The following SCAI variants were observed in gnomAD, a reference collection of about 807,000 sequenced individuals.
SCAI encodes suppressor of cancer cell invasion.
SCAI carries 24 observed loss-of-function variants against 92.2 expected under a neutral mutation model. That is an observed-to-expected ratio of 0.26 (90% CI 0.19 to 0.37). The LOEUF is 0.37. SCAI is among the 10% of genes least tolerant of loss of function. The probability of loss-of-function intolerance (pLI) is 1.00; values close to 1 mark genes in which losing one functional copy is unlikely to be tolerated. For synonymous variants in SCAI, 261 were observed against 258.6 expected, an observed-to-expected ratio of 1.01 and a Z score of -0.09; for missense variants, 450 against 736.2, an observed-to-expected ratio of 0.61 and a Z score of 4.50.
At chr9:125,002,096 T>C (rs1832373397) in intron 11 of SCAI, 53 bp from the exon 12 acceptor site, 2 of 1,215,438 alleles carry the variant, frequency 1.6e-6, no homozygotes, top group Admixed American at 3.4e-5. Context: ...ATAAACAACA[T>C]GGTTTTATTT....
At chr9:125,130,936 CT>C (rs545651994) in intron 2 of SCAI, among the ~76,000 whole-genome samples, 747 of 77,232 alleles carry the variant, frequency 9.7e-3, no homozygotes, top group African/African-American at 0.018. Flanking sequence ...GTTTGAACCG[CT>C]TTTTTTTTTT....
At position 125,003,111 on chromosome 9, in the gene SCAI, T is replaced by G. The variant is rs751902622; in HGVS notation, c.1065+3A>C. 6.3e-7 allele frequency: 1 copy of G among 1,597,834 alleles called. No individual in the cohort carries two copies. The highest frequency in any genetic ancestry group is 8.6e-7 in the Non-Finnish European group (1 of 1,165,160). ...ATAGTAAAAAGTACTGGATCACACA[T>G]ACCTTAAAAGACGCTGCTAAGAAGG... On this transcript the variant is annotated splice_donor_region_variant and intron_variant, in intron 11 of 17. Transcript: ENST00000336505.
chr9:125,116,286 G>A (rs979595229), intron 2 of SCAI, among the ~76,000 whole-genome samples: 2 of 152,092 alleles, frequency 1.3e-5, no homozygotes, highest in Admixed American at 1.3e-4. Flanking sequence ...ATTCAACAAA[G>A]AATTTGTTGA....
intron 1 of SCAI, among the ~76,000 whole-genome samples, 166 bp from the exon 2 acceptor site, chr9:125,142,843 C>A (rs1014992869): frequency 7.2e-5 from 11 of 152,202 alleles, no homozygotes; most frequent in Admixed American, 5.2e-4. Context: ...CCCCTATTTA[C>A]CAAGACCTAG....
At chr9:125,024,875 G>C (rs1010548846) in intron 6 of SCAI, among the ~76,000 whole-genome samples, 1 of 152,208 alleles carries the variant, frequency 6.6e-6, no homozygotes, top group Admixed American at 6.5e-5. Context: ...CCCATGGAAT[G>C]AGATGTTCTG....
At position 124,990,915 on chromosome 9, in the gene SCAI, A is replaced by T; in HGVS notation, c.1326+4019T>A. Among the ~76,000 whole-genome samples the T allele has an allele frequency of 1.3e-5, 2 of 152,054 alleles. 1 individual carries two copies. The highest frequency in any genetic ancestry group is 4.1e-4 in the South Asian group (2 of 4,820). On this transcript the variant is annotated intron_variant, in intron 14 of 17. Coordinates refer to ENST00000336505, the MANE Select transcript of SCAI (RefSeq NM_001144877.3). Reference sequence around the variant, plus strand: ...AGTCTTCATAAATACTGTAGCTGAGACCCACCCCAGGTGAAGTGATCAGAA... The same window carrying T: ...AGTCTTCATAAATACTGTAGCTGAGTCCCACCCCAGGTGAAGTGATCAGAA...
intron 2 of SCAI, among the ~76,000 whole-genome samples, chr9:125,087,949 A>G (rs1255600161): frequency 2.0e-5 from 3 of 152,220 alleles, no homozygotes; most frequent in African/African-American, 7.2e-5. Flanking sequence ...ATATACGTAA[A>G]GTATATAACT....
Position 125,143,496 on chromosome 9 carries a change from T to A in SCAI, c.-59A>T. 7.7e-7 allele frequency: 1 copy of A among 1,299,366 alleles called. No individual in the cohort carries two copies. The highest frequency in any genetic ancestry group is 9.8e-7 in the Non-Finnish European group (1 of 1,020,524). 80.5% of individuals were successfully genotyped at this position (1,299,366 alleles called of 1,614,324 possible). A position where few individuals can be genotyped will look rare whatever the true frequency, so the allele number is the denominator to read the frequency against. ...CGGCCGCAGGGCTCGCTCGGGAAGCTGAGGCGGCGGAGGCTGGAGTAGGCG... is the reference window on the plus strand; with the variant it reads ...CGGCCGCAGGGCTCGCTCGGGAAGCAGAGGCGGCGGAGGCTGGAGTAGGCG... On this transcript the variant is annotated 5_prime_UTR_variant, in exon 1 of 18. Coordinates refer to ENST00000336505, the MANE Select transcript of SCAI (RefSeq NM_001144877.3).
At chr9:124,982,444 G>T (rs2131602634) in intron 14 of SCAI, among the ~76,000 whole-genome samples, 1 of 152,136 alleles carries the variant, frequency 6.6e-6, no homozygotes, top group South Asian at 2.1e-4. Flanking sequence ...GGCCGAGGGG[G>T]GTGGTTCATC....
At position 124,944,634 on chromosome 9, in the gene SCAI, A is replaced by G. The variant is rs1451400030; in HGVS notation, c.*8173T>C. 3 of 152,096 alleles carry G rather than the reference A, an allele frequency of 2.0e-5. No homozygotes were observed. The allele number at this position is 152,096 out of a possible 1,614,324, so 9.4% of individuals were successfully genotyped here. A position where few individuals can be genotyped will look rare whatever the true frequency, so the allele number is the denominator to read the frequency against. On this transcript the variant is annotated 3_prime_UTR_variant, in exon 18 of 18. Coordinates refer to ENST00000336505, the MANE Select transcript of SCAI (RefSeq NM_001144877.3). Reference sequence around the variant, plus strand: ...ACCACAGTACATAGTTTTAATTTAGAAAAAAAGCAATTAGTAGCATGCTTC... The same window carrying G: ...ACCACAGTACATAGTTTTAATTTAGGAAAAAAGCAATTAGTAGCATGCTTC...
intron 9 of SCAI, among the ~76,000 whole-genome samples, chr9:125,011,631 T>G (rs1246412074): frequency 1.3e-5 from 2 of 152,144 alleles, no homozygotes; most frequent in Admixed American, 6.5e-5. Flanking sequence ...CAGGAGAACT[T>G]CCCCAATCTA....
chr9:125,066,149 T>A (rs1430044065), intron 2 of SCAI: 1 of 613,824 alleles, frequency 1.6e-6, no homozygotes, highest in Non-Finnish European at 2.9e-6. Context: ...TTCAAAAGAA[T>A]CTATATGTAA....
At chr9:125,110,247 C>T (rs569451570) in intron 2 of SCAI, among the ~76,000 whole-genome samples, 19 of 152,084 alleles carry the variant, frequency 1.2e-4, no homozygotes, top group Non-Finnish European at 2.5e-4. Context: ...TGACCAAAAC[C>T]GAAACAAGTG....
At chr9:125,090,996 T>TA (rs1219586865) in intron 2 of SCAI, among the ~76,000 whole-genome samples, 2 of 152,142 alleles carry the variant, frequency 1.3e-5, no homozygotes, top group Non-Finnish European at 2.9e-5. Flanking sequence ...CAGGCGCCTG[T>TA]AGTTCCAGCT....
At chr9:125,142,568 G>T in intron 2 of SCAI, 65 bp downstream of exon 2, 10 of 1,193,222 alleles carry the variant, frequency 8.4e-6, no homozygotes, top group African/African-American at 1.5e-5. Context: ...CAATTATGCA[G>T]TACGGCACAG....
At chr9:125,136,919 CCTGA>C (rs1220521180) in intron 2 of SCAI, among the ~76,000 whole-genome samples, 5 of 151,838 alleles carry the variant, frequency 3.3e-5, no homozygotes, top group South Asian at 2.1e-4. Context: ...CGCCATTGTG[CCTGA>C]CTAATTTTTG....
intron 2 of SCAI, among the ~76,000 whole-genome samples, chr9:125,063,057 T>C (rs1833803628): frequency 1.4e-5 from 2 of 141,438 alleles, no homozygotes; most frequent in Non-Finnish European, 3.0e-5. Context: ...ACTGTGTAAG[T>C]ACTAATGAAG....
At chr9:125,057,570 G>A (rs184082523) in intron 2 of SCAI, among the ~76,000 whole-genome samples, 4 of 152,282 alleles carry the variant, frequency 2.6e-5, no homozygotes, top group African/African-American at 9.6e-5. Flanking sequence ...CACCAAGTGG[G>A]TATCCACATC....
intron 2 of SCAI, among the ~76,000 whole-genome samples, chr9:125,078,088 T>C (rs1474159505): frequency 1.3e-5 from 2 of 152,180 alleles, no homozygotes; most frequent in Non-Finnish European, 2.9e-5. Context: ...ACATTCTAGA[T>C]AAAAGCACCT....
Sources: gnomAD v4.1 joint callset for allele counts (sites outside exome capture counted in the v4.1 genomes callset) on GRCh38, gnomAD v4.1.1 for gene constraint, MANE v1.5 for transcripts, NCBI Gene and HGNC (gene_info 2026-07-23, HGNC 2026-07-21) for gene names.